Variants in STRA8 observed in about 807,000 individuals in gnomAD.
The protein encoded by STRA8 is stimulated by retinoic acid gene 8 protein homolog.
A neutral mutation model predicts 37.1 loss-of-function variants in STRA8; 18 were observed. The ratio of observed to expected loss-of-function variants is 0.48; its 90% CI spans 0.34 to 0.72. The LOEUF (loss-of-function observed/expected upper bound fraction) is 0.72, where lower values mean the gene tolerates loss of function less well. Ranked by LOEUF, STRA8 falls within the 30% of genes least tolerant of loss-of-function variation. The pLI, the probability that STRA8 is intolerant of heterozygous loss-of-function variation, is 0.01. For synonymous variants in STRA8, 168 were observed against 162.9 expected, an observed-to-expected ratio of 1.03 and a Z score of -0.24; for missense variants, 357 against 410.4, an observed-to-expected ratio of 0.87 and a Z score of 1.13.
rs1290482301 is a variant in STRA8, at chr7:135,251,789, C to T, written c.880-7C>T. ...TCCAACACATGAAGTGTTGTGCTTT[C>T]TTTCAGATCCTTTTTGAGGATGCCT... On this transcript the variant is annotated splice_region_variant and splice_polypyrimidine_tract_variant and intron_variant, in intron 6 of 8. Coordinates refer to ENST00000662584, the MANE Select transcript of STRA8 (RefSeq NM_001394401.1). 6.2e-7 allele frequency: 1 copy of T among 1,614,144 alleles called. No homozygotes were observed. Among genetic ancestry groups the T allele is most frequent in the Non-Finnish European group, 8.5e-7 (1 of 1,179,978 alleles).
rs1187682572 is a variant in STRA8 at position 135,242,670 on chromosome 7, CTT to C, written c.193-109_193-108del. 2.0e-5 allele frequency: 18 copies of C among 922,486 alleles called. No homozygotes were observed. In the East Asian group the frequency reaches 3.4e-4, roughly 17 times the overall value. 57.1% of individuals were successfully genotyped at this position (922,486 alleles called of 1,614,324 possible). On this transcript the variant is annotated intron_variant, in intron 2 of 8. Transcript: ENST00000662584. The stretch of plus-strand genomic sequence containing the variant: ...TTACTGACAAGGTTAAGGGATGTGA[CTT>C]TGCATCTGAGGGAGCGTGGCCTCAG...
chr7:135,258,588 G>C lies in STRA8; in HGVS notation c.*96G>C. ...AAGGTTGCACCTGCCTTGGCCTCCA[G>C]GACTCTTTGGAGTGGGTTGTTCCAG... On this transcript the variant is annotated 3_prime_UTR_variant, in exon 9 of 9. Transcript: ENST00000662584. The C allele has an allele frequency of 1.1e-6, 1 of 950,832 alleles. No individual in the cohort carries two copies. Among genetic ancestry groups the C allele is most frequent in the Middle Eastern group, 2.3e-4 (1 of 4,288 alleles). 58.9% of individuals were successfully genotyped at this position (950,832 alleles called of 1,614,324 possible).
upstream of STRA8, among the ~76,000 whole-genome samples, chr7:135,233,356 C>G (rs558635769): frequency 6.6e-6 from 1 of 152,034 alleles, no homozygotes; most frequent in Non-Finnish European, 1.5e-5. Flanking sequence ...TCCTTCATGC[C>G]GTTTTCTCAT....
rs772971764 is a variant in STRA8 at position 135,251,847 on chromosome 7, G to A, written c.931G>A (p.Val311Ile). Reference sequence around the variant, plus strand: ...GGCAAGCTTCCTGGACAAAAGTGAGGTTCCGAGTACATCTAGCTCCAGGTG... The same window carrying A: ...GGCAAGCTTCCTGGACAAAAGTGAGATTCCGAGTACATCTAGCTCCAGGTG... ...DVASFLDKSEVPSTSSSSSVL... is the reference protein window; with the variant it reads ...DVASFLDKSEIPSTSSSSSVL... Residue 311 changes from valine to isoleucine, a missense_variant, in exon 7 of 9, where the codon GTT becomes ATT. Coordinates refer to ENST00000662584, the MANE Select transcript of STRA8 (RefSeq NM_001394401.1). 16 of 1,614,026 alleles carry A rather than the reference G, an allele frequency of 9.9e-6. No homozygotes were observed. The highest frequency in any genetic ancestry group is 2.7e-5 in the African/African-American group (2 of 74,910).
At chr7:135,247,259 T>G (rs1832574914) in intron 6 of STRA8, 1 of 152,404 alleles carries the variant, frequency 6.6e-6, no homozygotes, top group South Asian at 2.1e-4. Flanking sequence ...TTGTCTCAGT[T>G]GGGATTCTTT....
intron 1 of STRA8, among the ~76,000 whole-genome samples, chr7:135,238,701 A>G (rs571891788): frequency 6.6e-6 from 1 of 152,294 alleles, no homozygotes; most frequent in East Asian, 1.9e-4. Context: ...ACAAGTAAAA[A>G]CAAAAAACAA....
Position 135,257,307 on chromosome 7 carries a change from GAGAC to G in STRA8, c.1066-1103_1066-1100del, listed in dbSNP as rs149973752. Among the ~76,000 whole-genome samples the G allele has an allele frequency of 0.017, 2,625 of 152,312 alleles. 278 individuals are homozygous for G. The East Asian group carries it at 0.32, about 19-fold the overall frequency. On this transcript the variant is annotated intron_variant, in intron 8 of 8. Transcript: ENST00000662584. ...ACAGGGGTCATTTTCTGCTAGGATG[GAGAC>G]AGACAGAAGGAGCAAAGCCTCAGGA...
At chr7:135,241,027 CTT>C (rs1254978454) in intron 2 of STRA8, among the ~76,000 whole-genome samples, 1 of 152,132 alleles carries the variant, frequency 6.6e-6, no homozygotes, top group Non-Finnish European at 1.5e-5. Context: ...CCTCAGGACT[CTT>C]TTATAAGGGC....
chr7:135,254,120 G>A (rs1832673866), intron 7 of STRA8, among the ~76,000 whole-genome samples: 1 of 152,200 alleles, frequency 6.6e-6, no homozygotes, highest in South Asian at 2.1e-4. Context: ...TCTCAGCTGT[G>A]AGTGGAGTTT....
upstream of STRA8, among the ~76,000 whole-genome samples, chr7:135,233,463 C>G (rs1832321779): frequency 6.6e-6 from 1 of 152,092 alleles, no homozygotes; most frequent in Non-Finnish European, 1.5e-5. Context: ...TGGCATTGCC[C>G]CATTTGAGAG....
intron 2 of STRA8, among the ~76,000 whole-genome samples, chr7:135,242,374 T>C (rs1446201506): frequency 6.6e-6 from 1 of 152,196 alleles, no homozygotes; most frequent in Non-Finnish European, 1.5e-5. Flanking sequence ...TAATATTAAC[T>C]AGCCCTTTGC....
In STRA8 at chr7:135,240,677, G is replaced by A. The variant is rs774395420; in HGVS notation, c.153G>A (p.Arg51=). Residue 51 remains arginine (R), a synonymous_variant, in exon 2 of 9, where the codon AGG becomes AGA. Coordinates refer to ENST00000662584, the MANE Select transcript of STRA8 (RefSeq NM_001394401.1). ...TGGCAGCGCTCTTCAACAACCTCAG[G>A]AAGACAGTGTACTCTCAGTCTGATC... is the stretch of plus-strand genomic sequence containing the variant. ...ATLAALFNNL[R]KTVYSQSDLI... 21 of 1,613,874 alleles carry A rather than the reference G, an allele frequency of 1.3e-5. No homozygotes were observed. The highest frequency in any genetic ancestry group is 1.6e-5 in the Non-Finnish European group (19 of 1,179,968).
chr7:135,234,109 T>G lies in STRA8; in HGVS notation c.-7+206T>G, dbSNP rs556037586. On this transcript the variant is annotated intron_variant, in intron 1 of 8. Transcript: ENST00000662584. ...TGATGATGATGATGATGATGATTAT[T>G]ATTATTATCATTTTGAGACGGAGTT... Among the ~76,000 whole-genome samples the G allele has an allele frequency of 3.6e-3, 549 of 150,980 alleles. 2 individuals are homozygous for G. The highest frequency in any genetic ancestry group is 0.013 in the African/African-American group (519 of 41,194).
upstream of STRA8, among the ~76,000 whole-genome samples, chr7:135,232,860 C>T (rs939093524): frequency 4.6e-5 from 7 of 152,182 alleles, no homozygotes; most frequent in Non-Finnish European, 7.3e-5. Context: ...CCTGCTAAGC[C>T]TGTGACCCCT....
At chr7:135,249,984 C>T (rs972131948) in intron 6 of STRA8, among the ~76,000 whole-genome samples, 8 of 152,208 alleles carry the variant, frequency 5.3e-5, no homozygotes, top group South Asian at 2.1e-4. Flanking sequence ...CAGGGCTGGG[C>T]GATAAGGTAG....
At chr7:135,239,194 C>A (rs1437659542) in intron 1 of STRA8, among the ~76,000 whole-genome samples, 1 of 152,170 alleles carries the variant, frequency 6.6e-6, no homozygotes, top group Non-Finnish European at 1.5e-5. Context: ...CCTCATAACC[C>A]CTTAATGAAG....
chr7:135,251,674 T>A (rs1436017463), intron 6 of STRA8, 122 bp from the exon 7 acceptor site: 10 of 911,978 alleles, frequency 1.1e-5, no homozygotes, highest in Non-Finnish European at 1.8e-5. Flanking sequence ...AGCTCTGACA[T>A]GCATGCCCTC....
chr7:135,240,977 T>C (rs1168533801), intron 2 of STRA8, among the ~76,000 whole-genome samples: 1 of 152,200 alleles, frequency 6.6e-6, no homozygotes, highest in Non-Finnish European at 1.5e-5. Context: ...GACAGGGCTA[T>C]CTTGCTGTGT....
chr7:135,258,542 C>A lies in STRA8; in HGVS notation c.*50C>A. On this transcript the variant is annotated 3_prime_UTR_variant, in exon 9 of 9. Coordinates refer to ENST00000662584, the MANE Select transcript of STRA8 (RefSeq NM_001394401.1). Reference sequence around the variant, plus strand: ...GGGACTGAATGAGGTGGGCAGTTCCCAAGGTTGAATGCTGGCAGCTAAGGT... The same window carrying A: ...GGGACTGAATGAGGTGGGCAGTTCCAAAGGTTGAATGCTGGCAGCTAAGGT... 1 of 1,505,362 alleles carries A rather than the reference C, an allele frequency of 6.6e-7. No individual in the cohort carries two copies. Among genetic ancestry groups the A allele is most frequent in the South Asian group, 1.2e-5 (1 of 82,392 alleles). The allele number at this position is 1,505,362 out of a possible 1,614,324, so 93.3% of individuals were successfully genotyped here. A position where few individuals can be genotyped will look rare whatever the true frequency, so the allele number is the denominator to read the frequency against.
Sources: gnomAD v4.1 joint callset for allele counts (sites outside exome capture counted in the v4.1 genomes callset) on GRCh38, gnomAD v4.1.1 for gene constraint, MANE v1.5 for transcripts, NCBI Gene and HGNC (gene_info 2026-07-23, HGNC 2026-07-21) for gene names.